Variants in LIMCH1 observed in about 807,000 individuals in gnomAD.
LIMCH1 encodes the protein LIM and calponin homology domains 1, also known as LIM and calponin homology domains-containing protein 1.
In LIMCH1, 113 loss-of-function variants were observed where a neutral mutation model predicts 176.5. The ratio of observed to expected loss-of-function variants is 0.64; its 90% confidence interval spans 0.55 to 0.75. The LOEUF is 0.75. Ranked by LOEUF, LIMCH1 falls within the 30% of genes least tolerant of loss-of-function variation. The pLI, the probability that LIMCH1 is intolerant of heterozygous loss-of-function variation, is 0.00. For synonymous variants in LIMCH1, 619 were observed against 645.9 expected (o/e 0.96, Z 0.63); for missense variants, 1,674 against 1,814.9 (o/e 0.92, Z 1.41).
chr4:41,605,750 G>T, intron 3 of LIMCH1, 144 bp from the exon 4 acceptor site: 1 of 498,152 alleles, frequency 2.0e-6, no homozygotes. Context: ...ACATTTAATG[G>T]ATACCTCATG....
At chr4:41,670,147 C>T (rs376418249) in intron 21 of LIMCH1, among the ~76,000 whole-genome samples, 9 of 152,120 alleles carry the variant, frequency 5.9e-5, no homozygotes, top group African/African-American at 1.7e-4. Flanking sequence ...AAAATATGTG[C>T]GCATTAAAAA....
intron 1 of LIMCH1, among the ~76,000 whole-genome samples, chr4:41,381,788 CTA>C (rs1213707347): frequency 6.6e-6 from 1 of 152,180 alleles, no homozygotes; most frequent in African/African-American, 2.4e-5. Flanking sequence ...CCAGACAAGG[CTA>C]TCCTAGATCA....
At chr4:41,661,563 T>A in intron 19 of LIMCH1, 53 bp downstream of exon 19, 2 of 1,255,038 alleles carry the variant, frequency 1.6e-6, no homozygotes, top group Non-Finnish European at 2.3e-6. Flanking sequence ...CTGTTTAAGA[T>A]GTAATGGAAA....
chr4:41,619,454 A>C lies in LIMCH1; in HGVS notation c.458+14A>C. On this transcript the variant is annotated intron_variant, in intron 6 of 31. Coordinates refer to ENST00000503057, the MANE Select transcript of LIMCH1 (RefSeq NM_001330672.2). Reference sequence around the variant, plus strand: ...GAGGCCCTTCAGGTAAGGCCTGAGCACCGCTGCCCTCTTCCTGGCTTGGGC... The same window carrying C: ...GAGGCCCTTCAGGTAAGGCCTGAGCCCCGCTGCCCTCTTCCTGGCTTGGGC... 1 of 1,604,354 alleles carries C rather than the reference A, an allele frequency of 6.2e-7. No homozygotes were observed. The highest frequency in any genetic ancestry group is 8.5e-7 in the Non-Finnish European group (1 of 1,179,744).
intron 1 of LIMCH1, among the ~76,000 whole-genome samples, chr4:41,470,339 CGT>C: frequency 6.6e-6 from 1 of 152,322 alleles, no homozygotes; most frequent in African/African-American, 2.4e-5. Flanking sequence ...TCTCCCTGCT[CGT>C]GTGTAAGGCT....
Position 41,598,945 on chromosome 4 carries a change from G to T in LIMCH1, c.-215G>T, listed in dbSNP as rs774484548. 1.9e-6 allele frequency: 3 copies of T among 1,609,414 alleles called. No homozygotes were observed. The highest frequency in any genetic ancestry group is 2.6e-6 in the Non-Finnish European group (3 of 1,176,096). The stretch of plus-strand genomic sequence containing the variant: ...GACAATATTATCTTATTCTTGAGAG[G>T]TTGTAAAGAGCTCGGCCTTAAAGAA... On this transcript the variant is annotated 5_prime_UTR_variant, in exon 2 of 32. Coordinates refer to ENST00000503057, the MANE Select transcript of LIMCH1 (RefSeq NM_001330672.2).
intron 1 of LIMCH1, among the ~76,000 whole-genome samples, chr4:41,468,479 A>T (rs940675693): frequency 5.4e-5 from 8 of 148,282 alleles, no homozygotes; most frequent in African/African-American, 2.0e-4. Flanking sequence ...TCTTGACCTG[A>T]TCTGAAATGA....
chr4:41,664,316 T>A (rs2094744276), intron 20 of LIMCH1, among the ~76,000 whole-genome samples: 1 of 152,208 alleles, frequency 6.6e-6, no homozygotes, highest in Admixed American at 6.5e-5. Flanking sequence ...ACCTACTATG[T>A]CATGCCTGGC....
intron 1 of LIMCH1, among the ~76,000 whole-genome samples, chr4:41,583,809 A>C: frequency 6.7e-6 from 1 of 150,314 alleles, no homozygotes. Context: ...TTGAATTCGT[A>C]CCCTACATAT....
intron 18 of LIMCH1, among the ~76,000 whole-genome samples, chr4:41,653,792 C>T (rs1219074513): frequency 6.6e-6 from 1 of 152,244 alleles, no homozygotes; most frequent in Non-Finnish European, 1.5e-5. Context: ...CTTTGGTTTC[C>T]TTCTACCTCA....
chr4:41,429,097 G>C (rs980963578), intron 1 of LIMCH1, among the ~76,000 whole-genome samples: 6 of 152,178 alleles, frequency 3.9e-5, no homozygotes, highest in African/African-American at 1.4e-4. Context: ...AGTTCCAGCC[G>C]AGGGAGAGTG....
At chr4:41,575,788 G>A (rs1017450037) in intron 1 of LIMCH1, among the ~76,000 whole-genome samples, 3 of 152,182 alleles carry the variant, frequency 2.0e-5, no homozygotes, top group East Asian at 3.9e-4. Flanking sequence ...TGTTGAGATC[G>A]CACAATTCTA....
intron 1 of LIMCH1, among the ~76,000 whole-genome samples, chr4:41,417,342 C>T (rs927563223): frequency 2.0e-5 from 3 of 152,092 alleles, no homozygotes; most frequent in Admixed American, 1.3e-4. Flanking sequence ...AATCCAGATC[C>T]AGAGTCCTCA....
chr4:41,469,539 C>T (rs2066636427), intron 1 of LIMCH1, among the ~76,000 whole-genome samples: 1 of 152,092 alleles, frequency 6.6e-6, no homozygotes, highest in African/African-American at 2.4e-5. Flanking sequence ...GCCAGCAGCA[C>T]ACATTCCAAA....
chr4:41,635,236 C>CT (rs72130305), intron 13 of LIMCH1, among the ~76,000 whole-genome samples: 5,685 of 143,206 alleles, frequency 0.04, 316 homozygotes, highest in African/African-American at 0.12. Flanking sequence ...TTCTCTGTCA[C>CT]TTTTTTTTTT....
intron 1 of LIMCH1, among the ~76,000 whole-genome samples, chr4:41,547,365 T>A (rs575517642): frequency 7.2e-5 from 11 of 152,176 alleles, no homozygotes; most frequent in African/African-American, 2.6e-4. Flanking sequence ...TCTACCTCTA[T>A]GAGTTTGGCT....
chr4:41,508,573 C>G (rs1462715889), intron 2 of LIMCH1, among the ~76,000 whole-genome samples: 2 of 152,090 alleles, frequency 1.3e-5, no homozygotes, highest in Non-Finnish European at 2.9e-5. Flanking sequence ...GGAAGCCTCT[C>G]TGAGGGAAAG....
At chr4:41,625,576 G>A (rs1476829102) in intron 7 of LIMCH1, among the ~76,000 whole-genome samples, 1 of 152,168 alleles carries the variant, frequency 6.6e-6, no homozygotes, top group Non-Finnish European at 1.5e-5. Flanking sequence ...TCAAGTGGGT[G>A]GGGAGTGTCT....
chr4:41,676,340 G>A (rs1471840300), intron 22 of LIMCH1, 42 bp from the exon 23 acceptor site: 1 of 1,536,316 alleles, frequency 6.5e-7, no homozygotes, highest in Non-Finnish European at 9.0e-7. Context: ...GTCCCTTGAG[G>A]ACATGGCTCA....
Sources: allele counts gnomAD v4.1 joint callset (sites outside exome capture counted in the v4.1 genomes callset), GRCh38; gene constraint gnomAD v4.1.1; transcripts MANE v1.5; gene names NCBI Gene and HGNC (gene_info 2026-07-23, HGNC 2026-07-21).